The following TMX2 variants were observed in gnomAD, a reference collection of about 807,000 sequenced individuals.
The protein encoded by TMX2 is thioredoxin-related transmembrane protein 2.
A neutral mutation model predicts 33.4 loss-of-function variants in TMX2; 20 were observed. The ratio of observed to expected loss-of-function variants is 0.60; its 90% CI spans 0.42 to 0.87. The LOEUF (loss-of-function observed/expected upper bound fraction) is 0.87, where lower values mean the gene tolerates loss of function less well. Among genes scored for constraint, TMX2 ranks in the 40% least tolerant of loss-of-function variants. The pLI, the probability that TMX2 is intolerant of heterozygous loss-of-function variation, is 0.00. For synonymous variants in TMX2, 166 were observed against 140.7 expected, an observed-to-expected ratio of 1.18 and a Z score of -1.27; for missense variants, 340 against 370.7, an observed-to-expected ratio of 0.92 and a Z score of 0.68.
At chr11:57,718,400 C>G in intron 1 of TMX2, 1 of 1,416,168 alleles carries the variant, frequency 7.1e-7, no homozygotes, top group South Asian at 1.2e-5. Context: ...ACAACCAAAT[C>G]CTTTTTGTCC....
intron 1 of TMX2, among the ~76,000 whole-genome samples, chr11:57,714,468 A>C (rs578159764): frequency 1.2e-4 from 19 of 152,052 alleles, no homozygotes; most frequent in Non-Finnish European, 2.5e-4. Context: ...ATAGCAATCT[A>C]TTTTCCTAGA....
In TMX2 at chr11:57,712,609, G is replaced by C. The variant is rs746447756; in HGVS notation, c.-10G>C. 6 of 1,603,486 alleles carry C rather than the reference G, an allele frequency of 3.7e-6. No individual in the cohort carries two copies. The highest frequency in any genetic ancestry group is 5.1e-6 in the Non-Finnish European group (6 of 1,173,090). On this transcript the variant is annotated 5_prime_UTR_variant, in exon 1 of 8. Coordinates refer to ENST00000278422, the MANE Select transcript of TMX2 (RefSeq NM_015959.4). ...GACGCCGGCGAGCAGTGGCCGTTAC[G>C]GCCGAAAAGATGGCGGTCTTGGCAC...
At chr11:57,714,161 A>G (rs1946823571) in intron 1 of TMX2, among the ~76,000 whole-genome samples, 1 of 152,178 alleles carries the variant, frequency 6.6e-6, no homozygotes, top group Non-Finnish European at 1.5e-5. Flanking sequence ...GTTTCACTAT[A>G]AGCTGAGTTG....
intron 1 of TMX2, among the ~76,000 whole-genome samples, chr11:57,730,335 G>A (rs1241093008): frequency 6.7e-6 from 1 of 148,262 alleles, no homozygotes; most frequent in East Asian, 2.0e-4. Flanking sequence ...GCTGAGGCAG[G>A]AGAATCGCTT....
chr11:57,715,586 C>CTTTTTTTTTTTTT (rs367827761), intron 1 of TMX2, among the ~76,000 whole-genome samples: 93 of 130,024 alleles, frequency 7.2e-4, no homozygotes, highest in Non-Finnish European at 7.7e-4. Flanking sequence ...AATTTGTTTT[C>CTTTTTTTTTTTTT]TTTTTTTTTT....
At chr11:57,717,954 C>G (rs990794783) in intron 1 of TMX2, 6 of 698,672 alleles carry the variant, frequency 8.6e-6, no homozygotes, top group Non-Finnish European at 1.5e-5. Context: ...TAGGATACTG[C>G]GAGCAAATGG....
intron 1 of TMX2, among the ~76,000 whole-genome samples, chr11:57,717,746 G>GGGGAGGGGGGAGAGGGGAGA (rs1947267256): frequency 1.2e-5 from 1 of 84,722 alleles, no homozygotes; most frequent in Admixed American, 1.3e-4. Flanking sequence ...AGAGGGGAGA[G>GGGGAGGGGGGAGAGGGGAGA]GGGAGAGGGA....
Position 57,739,060 on chromosome 11 carries a change from A to G in TMX2, c.614+21A>G, listed in dbSNP as rs776811904. On this transcript the variant is annotated intron_variant, in intron 6 of 7. Coordinates refer to ENST00000278422, the MANE Select transcript of TMX2 (RefSeq NM_015959.4). ...ACGCGGTATGTAAAGACCTGGGCAG[A>G]GGGTCTGAGCAGGGAAATCACTTTG... 3.1e-6 allele frequency: 5 copies of G among 1,614,200 alleles called. No homozygotes were observed. The South Asian group carries it at 5.5e-5, about 18-fold the overall frequency.
At chr11:57,714,105 G>A (rs1449858598) in intron 1 of TMX2, among the ~76,000 whole-genome samples, 2 of 152,168 alleles carry the variant, frequency 1.3e-5, no homozygotes, top group African/African-American at 4.8e-5. Flanking sequence ...TTTGGGGTGT[G>A]AGTCCCTGGT....
chr11:57,715,420 A>T (rs1475239843), intron 1 of TMX2, among the ~76,000 whole-genome samples: 1 of 150,124 alleles, frequency 6.7e-6, no homozygotes, highest in African/African-American at 2.4e-5. Flanking sequence ...TAAATAAATA[A>T]AATTAAAAAA....
chr11:57,738,260 T>G lies in TMX2; in HGVS notation c.365-94T>G, dbSNP rs1005121233. On this transcript the variant is annotated intron_variant, in intron 3 of 7. Transcript: ENST00000278422. ...GTCTACATATATCCACAAGTGTGTA[T>G]TATTTGGGGGCTGAAATCCTTGGGT... The G allele has an allele frequency of 3.2e-6, 3 of 932,836 alleles. No homozygotes were observed. The South Asian group carries it at 4.3e-5, about 13-fold the overall frequency. 57.8% of individuals were successfully genotyped at this position (932,836 alleles called of 1,614,324 possible).
chr11:57,725,985 A>G (rs1347056753), intron 1 of TMX2, among the ~76,000 whole-genome samples: 1 of 152,216 alleles, frequency 6.6e-6, no homozygotes, highest in Admixed American at 6.5e-5. Flanking sequence ...GAAGATAAAT[A>G]TATCTACAGA....
At chr11:57,722,462 TTATC>T (rs1363030000) in intron 1 of TMX2, among the ~76,000 whole-genome samples, 3 of 152,240 alleles carry the variant, frequency 2.0e-5, no homozygotes, top group Non-Finnish European at 4.4e-5. Context: ...CTTTTACTAA[TTATC>T]TAAAGTAAGG....
intron 1 of TMX2, among the ~76,000 whole-genome samples, chr11:57,715,873 A>C (rs1335676801): frequency 6.6e-6 from 1 of 151,880 alleles, no homozygotes; most frequent in Non-Finnish European, 1.5e-5. Flanking sequence ...GACACAGCAC[A>C]TGTTTCAGAG....
chr11:57,738,962 T>C lies in TMX2; in HGVS notation c.549-12T>C, dbSNP rs772036351. On this transcript the variant is annotated splice_polypyrimidine_tract_variant and intron_variant, in intron 5 of 7. Transcript: ENST00000278422. ...TTTTTTTTCAGCATATTAAATAATA[T>C]ATTCTTTTCAGATACAACTGTACAG... The C allele has an allele frequency of 4.3e-6, 7 of 1,611,906 alleles. No individual in the cohort carries two copies. The highest frequency in any genetic ancestry group is 1.1e-5 in the South Asian group (1 of 90,914).
At chr11:57,729,180 C>G (rs1044227426) in intron 1 of TMX2, among the ~76,000 whole-genome samples, 1 of 152,066 alleles carries the variant, frequency 6.6e-6, no homozygotes, top group Non-Finnish European at 1.5e-5. Flanking sequence ...GAGAATGTCC[C>G]CTTTTCGGGT....
intron 1 of TMX2, among the ~76,000 whole-genome samples, chr11:57,732,050 A>G (rs1387323777): frequency 6.6e-6 from 1 of 152,232 alleles, no homozygotes; most frequent in African/African-American, 2.4e-5. Context: ...TTCTTTTCCC[A>G]TTAATCTTAA....
At chr11:57,733,969 G>A (rs1394931486) in intron 1 of TMX2, among the ~76,000 whole-genome samples, 3 of 151,908 alleles carry the variant, frequency 2.0e-5, no homozygotes, top group African/African-American at 7.2e-5. Context: ...AGTAGATCGA[G>A]ACCATCCTGG....
At chr11:57,728,425 CAG>C (rs1948141470) in intron 1 of TMX2, among the ~76,000 whole-genome samples, 1 of 152,136 alleles carries the variant, frequency 6.6e-6, no homozygotes, top group Non-Finnish European at 1.5e-5. Context: ...AGAGAAGACT[CAG>C]AACCCCAAAG....
Sources: gnomAD v4.1 joint callset for allele counts (sites outside exome capture counted in the v4.1 genomes callset) on GRCh38, gnomAD v4.1.1 for gene constraint, MANE v1.5 for transcripts, NCBI Gene and HGNC (gene_info 2026-07-23, HGNC 2026-07-21) for gene names.